The following ZNF557 variants were observed in gnomAD, a reference collection of about 807,000 sequenced individuals.
ZNF557 encodes zinc finger protein 557, also known as CTB-25J19.9.
A neutral mutation model predicts 21.2 loss-of-function variants in ZNF557; 19 were observed. That is an observed-to-expected ratio of 0.90 (90% confidence interval 0.63 to 1.32). The LOEUF is 1.32. Ranked by LOEUF, ZNF557 falls within the 40% of genes most tolerant of loss-of-function variation. The pLI is 0.00. For synonymous variants in ZNF557, 207 were observed against 194.8 expected (o/e 1.06, Z -0.52); for missense variants, 487 against 519.8 (o/e 0.94, Z 0.61).
Position 7,087,724 on chromosome 19 carries a change from T to TG in ZNF557, c.*3980_*3981insG, listed in dbSNP as rs1977898695. 1 of 113,622 alleles carries TG rather than the reference T, an allele frequency of 8.8e-6. No individual in the cohort carries two copies. The highest frequency in any genetic ancestry group is 3.5e-5 in the African/African-American group (1 of 28,402). The allele number at this position is 113,622 out of a possible 1,614,324, so 7.0% of individuals were successfully genotyped here. Reference sequence around the variant, plus strand: ...AGAGTGTGTGTGTGTGTGTGTGTGTTTGGTTGGGGGGTGTTGTGTTAGCTT... The same window carrying TG: ...AGAGTGTGTGTGTGTGTGTGTGTGTTGTGGTTGGGGGGTGTTGTGTTAGCTT... On this transcript the variant is annotated 3_prime_UTR_variant, in exon 8 of 8. Transcript: ENST00000252840.
chr19:7,081,199 GTGA>G, intron 5 of ZNF557, among the ~76,000 whole-genome samples, 158 bp from the exon 6 acceptor site: 1 of 33,376 alleles, frequency 3.0e-5, no homozygotes, highest in African/African-American at 2.1e-4. Flanking sequence ...GTGTGTGTGT[GTGA>G]GTGTTTAAGA....
At chr19:7,076,856 T>A (rs775653671) in intron 5 of ZNF557, among the ~76,000 whole-genome samples, 1 of 152,154 alleles carries the variant, frequency 6.6e-6, no homozygotes, top group African/African-American at 2.4e-5. Flanking sequence ...CAGGCTATAG[T>A]GCAGTGGCGT....
intron 4 of ZNF557, among the ~76,000 whole-genome samples, chr19:7,076,178 G>A (rs149361863): frequency 6.0e-4 from 91 of 152,292 alleles, no homozygotes; most frequent in African/African-American, 2.1e-3. Flanking sequence ...CGCTGGACCT[G>A]GGAGTAGCCT....
At chr19:7,072,548 C>A (rs886790237) in intron 2 of ZNF557, among the ~76,000 whole-genome samples, 1 of 152,194 alleles carries the variant, frequency 6.6e-6, no homozygotes, top group African/African-American at 2.4e-5. Context: ...AAAATACAAC[C>A]TTTCCCGTGC....
Position 7,079,462 on chromosome 19 carries a change from G to A in ZNF557, c.248-1898G>A, listed in dbSNP as rs367945302. ...TCACCGTGTTAGCCAGGATGATCTC[G>A]ATCTCCTGACCTTGTGATCCGCCCA... On this transcript the variant is annotated intron_variant, in intron 5 of 7. Transcript: ENST00000252840. 1.1e-3 allele frequency among the ~76,000 whole-genome samples: 164 copies of A among 151,818 alleles called. No homozygotes were observed. The East Asian group carries it at 0.012, about 11-fold the overall frequency.
chr19:7,079,434 G>C (rs1182740909), intron 5 of ZNF557, among the ~76,000 whole-genome samples: 1 of 53,608 alleles, frequency 1.9e-5, no homozygotes, highest in Non-Finnish European at 3.6e-5. Flanking sequence ...GTAGAGACAG[G>C]GTTCACCGTG....
Position 7,075,639 on chromosome 19 carries a change from A to T in ZNF557, c.32-16A>T. 1.2e-6 allele frequency: 2 copies of T among 1,612,278 alleles called. No homozygotes were observed. The highest frequency in any genetic ancestry group is 8.5e-7 in the Non-Finnish European group (1 of 1,178,864). On this transcript the variant is annotated splice_polypyrimidine_tract_variant and intron_variant, in intron 3 of 7. Coordinates refer to ENST00000252840, the MANE Select transcript of ZNF557 (RefSeq NM_024341.3). ...GGGCAGGTGTGGATTCCTGGTACTC[A>T]TTTCTCCTCCTCCAGCTCTGTCTTC...
At position 7,083,118 on chromosome 19, in the gene ZNF557, C is replaced by T. The variant is rs1263216264; in HGVS notation, c.667C>T (p.Leu223Phe). 2 of 1,614,130 alleles carry T rather than the reference C, an allele frequency of 1.2e-6. No individual in the cohort carries two copies. Among genetic ancestry groups the T allele is most frequent in the Non-Finnish European group, 8.5e-7 (1 of 1,179,984 alleles). The change falls in exon 8 of 8, where the codon CTT (leucine) becomes TTT (phenylalanine). Residue 223 changes from leucine (L) to phenylalanine (F), a missense_variant. By Grantham distance (22) the Leu-to-Phe change is conservative. Coordinates refer to ENST00000252840, the MANE Select transcript of ZNF557 (RefSeq NM_024341.3). The part of the protein sequence containing the change: ...CGKTFSSRSY[L>F]TVHKRIHNGE... ...GAAAACCTTCAGCAGCAGATCTTAC[C>T]TTACTGTTCATAAGAGAATCCACAA...
In ZNF557 at chr19:7,087,226, T is replaced by TTTTTTTTTTTTTTTTTTTTTGTTTCC. The variant is rs1555730813; in HGVS notation, c.*3482_*3483insTTTTTTTTTTTTTTTTTTTTGTTTCC. On this transcript the variant is annotated 3_prime_UTR_variant, in exon 8 of 8. Coordinates refer to ENST00000252840, the MANE Select transcript of ZNF557 (RefSeq NM_024341.3). ...GCTTTTTTTTTTTTTTTTTTTTTTT[T>TTTTTTTTTTTTTTTTTTTTTGTTTCC]CTTCACTGTGGTGATAAAAACCACA... 1.1e-5 allele frequency: 1 copy of TTTTTTTTTTTTTTTTTTTTTGTTTCC among 87,560 alleles called. No individual in the cohort carries two copies. Among genetic ancestry groups the TTTTTTTTTTTTTTTTTTTTTGTTTCC allele is most frequent in the Non-Finnish European group, 2.1e-5 (1 of 47,462 alleles). 5.4% of individuals were successfully genotyped at this position (87,560 alleles called of 1,614,324 possible).
chr19:7,075,836 C>T (rs1977577957), intron 4 of ZNF557, 93 bp downstream of exon 4: 2 of 1,545,820 alleles, frequency 1.3e-6, no homozygotes, highest in Non-Finnish European at 8.8e-7. Context: ...CACGGCCAAA[C>T]TTGTTCCTCA....
At position 7,083,538 on chromosome 19, in the gene ZNF557, C is replaced by G; in HGVS notation, c.1087C>G (p.Leu363Val). 6.2e-7 allele frequency: 1 copy of G among 1,614,188 alleles called. No homozygotes were observed. Among genetic ancestry groups the G allele is most frequent in the South Asian group, 1.1e-5 (1 of 91,074 alleles). ...CGKSFTNSFS[L>V]TIHRRIHNGE... ...GAAATCCTTTACCAATAGCTTTTCTCTTACAATTCACAGGAGAATACATAA... is the reference window on the plus strand; with the variant it reads ...GAAATCCTTTACCAATAGCTTTTCTGTTACAATTCACAGGAGAATACATAA... Residue 363 changes from leucine to valine, a missense_variant, in exon 8 of 8, where the codon CTT becomes GTT. Physicochemically the swap from Leu to Val is conservative, Grantham distance 32 (BLOSUM62 1). Coordinates refer to ENST00000252840, the MANE Select transcript of ZNF557 (RefSeq NM_024341.3).
At chr19:7,079,781 A>AT (rs1006049174) in intron 5 of ZNF557, among the ~76,000 whole-genome samples, 4 of 152,034 alleles carry the variant, frequency 2.6e-5, no homozygotes, top group Non-Finnish European at 4.4e-5. Flanking sequence ...TTTGTCAGAG[A>AT]TTTTTTTAAA....
In ZNF557 at chr19:7,083,570, G is replaced by A. The variant is rs1338165582; in HGVS notation, c.1119G>A (p.Glu373=). 6.2e-7 allele frequency: 1 copy of A among 1,614,126 alleles called. No homozygotes were observed. Among genetic ancestry groups the A allele is most frequent in the African/African-American group, 1.3e-5 (1 of 75,026 alleles). ...TTCACAGGAGAATACATAATGGAGAGAAATCCTATGAGTGCAGTGATTGTG... is the reference window on the plus strand; with the variant it reads ...TTCACAGGAGAATACATAATGGAGAAAAATCCTATGAGTGCAGTGATTGTG... ...LTIHRRIHNG[E]KSYECSDCGK... The change falls in exon 8 of 8, where the codon GAG becomes GAA. Residue 373 remains glutamate (E), a synonymous_variant. Coordinates refer to ENST00000252840, the MANE Select transcript of ZNF557 (RefSeq NM_024341.3).
chr19:7,085,332 CT>C lies in ZNF557; in HGVS notation c.*1589del, dbSNP rs1212568427. ...GGACTGTAGGCATGCACCACCATGCCTGTCTAGTTTTTGTAAAGATGGGGAT... is the reference window on the plus strand; with the variant it reads ...GGACTGTAGGCATGCACCACCATGCCGTCTAGTTTTTGTAAAGATGGGGAT... On this transcript the variant is annotated 3_prime_UTR_variant, in exon 8 of 8. Transcript: ENST00000252840. The C allele has an allele frequency of 6.6e-6, 1 of 151,974 alleles. No homozygotes were observed. The highest frequency in any genetic ancestry group is 2.4e-5 in the African/African-American group (1 of 41,388). 9.4% of individuals were successfully genotyped at this position (151,974 alleles called of 1,614,324 possible).
In ZNF557 at chr19:7,086,245, C is replaced by CAAAAAAAAA. The variant is rs1599847252; in HGVS notation, c.*2502_*2503insAAAAAAAAA. ...AACTCTGTCTCAAAAAAAAAAAAAT[C>CAAAAAAAAA]AGACAATATTTGATATATTTTTTTC... On this transcript the variant is annotated 3_prime_UTR_variant, in exon 8 of 8. Coordinates refer to ENST00000252840, the MANE Select transcript of ZNF557 (RefSeq NM_024341.3). 3.0e-5 allele frequency: 3 copies of CAAAAAAAAA among 100,722 alleles called. No homozygotes were observed. Among genetic ancestry groups the CAAAAAAAAA allele is most frequent in the East Asian group, 7.0e-4 (2 of 2,860 alleles). The allele number at this position is 100,722 out of a possible 1,614,324, so 6.2% of individuals were successfully genotyped here.
chr19:7,079,372 G>A (rs1404331201), intron 5 of ZNF557, among the ~76,000 whole-genome samples: 1 of 151,012 alleles, frequency 6.6e-6, no homozygotes, highest in Admixed American at 6.6e-5. Flanking sequence ...CTCCCGAGTA[G>A]CTGGGACTAC....
At chr19:7,069,958 G>C (rs1432979918) in intron 1 of ZNF557, among the ~76,000 whole-genome samples, 185 bp downstream of exon 1, 3 of 152,232 alleles carry the variant, frequency 2.0e-5, no homozygotes, top group African/African-American at 7.2e-5. Context: ...CCCTCACCCG[G>C]GGCGATTCTG....
chr19:7,074,329 T>TACAC (rs143012504), intron 2 of ZNF557, among the ~76,000 whole-genome samples: 75,735 of 146,968 alleles, frequency 0.52, 20,115 homozygotes, highest in South Asian at 0.66. Context: ...TTTGTGTGTA[T>TACAC]ATACACACAC....
chr19:7,082,762 A>C, intron 7 of ZNF557, 116 bp from the exon 8 acceptor site: 1 of 1,082,074 alleles, frequency 9.2e-7, no homozygotes, highest in Non-Finnish European at 1.3e-6. Context: ...GATGGCAAAA[A>C]CATTAATTCC....
Sources: gnomAD v4.1 joint callset for allele counts (sites outside exome capture counted in the v4.1 genomes callset) on GRCh38, gnomAD v4.1.1 for gene constraint, MANE v1.5 for transcripts, NCBI Gene and HGNC (gene_info 2026-07-23, HGNC 2026-07-21) for gene names.